Variants in NFASC observed in about 807,000 individuals in gnomAD.
NFASC encodes the protein neurofascin, also known as neurofascin homolog.
In NFASC, 43 loss-of-function variants were observed where a neutral mutation model predicts 147.5. That is an observed-to-expected ratio of 0.29 (90% confidence interval 0.23 to 0.38). NFASC has a LOEUF of 0.38. NFASC is among the 10% of genes least tolerant of loss of function. The pLI is 1.00. For synonymous variants in NFASC, 622 were observed against 665.5 expected (o/e 0.93, Z 1.01); for missense variants, 1,320 against 1,689.0 (o/e 0.78, Z 3.83).
intron 2 of NFASC, among the ~76,000 whole-genome samples, chr1:204,923,375 C>T (rs77507721): frequency 0.071 from 10,730 of 152,146 alleles, 497 homozygotes; most frequent in South Asian, 0.12. Context: ...GCTCAGGCTT[C>T]GTCTCTCCCC....
chr1:204,978,756 G>A (rs191469420), intron 17 of NFASC, among the ~76,000 whole-genome samples: 1 of 151,912 alleles, frequency 6.6e-6, no homozygotes, highest in Non-Finnish European at 1.5e-5. Flanking sequence ...ATTCTTTGTG[G>A]GGGGGGGCTG....
chr1:205,014,248 TG>T (rs1358669624), intron 29 of NFASC, among the ~76,000 whole-genome samples: 4 of 152,072 alleles, frequency 2.6e-5, no homozygotes, highest in African/African-American at 4.8e-5. Flanking sequence ...ACACTGACCC[TG>T]GGTCTACACG....
In NFASC at chr1:205,010,096, G is replaced by A. The variant is rs765072492; in HGVS notation, c.3421+408G>A. On this transcript the variant is annotated intron_variant, in intron 28 of 29. Coordinates refer to ENST00000339876, the MANE Select transcript of NFASC (RefSeq NM_001005388.3). This position sits in a 1 kb window ranked among gnomAD's most constrained non-coding sequence, Gnocchi z 4.1. ...ACCGTGTCCCAGAGAATGGGGAGAG[G>A]AGGGGCCTGGGCAGAAGCAGCACCC... 129 of 211,740 alleles carry A rather than the reference G, an allele frequency of 6.1e-4. No homozygotes were observed. Among genetic ancestry groups the A allele is most frequent in the Non-Finnish European group, 1.1e-3 (112 of 103,282 alleles). The allele number at this position is 211,740 out of a possible 1,614,324, so 13.1% of individuals were successfully genotyped here. A position where few individuals can be genotyped will look rare whatever the true frequency, so the allele number is the denominator to read the frequency against.
rs1465861659 is a variant in NFASC, at chr1:204,828,692, C to A, written c.-290C>A. ...TCTGCCCTAATGCGGCGGCTGGCGG[C>A]GAGAGGCGCTGCAGGGGACGCGGGG... On this transcript the variant is annotated 5_prime_UTR_variant, in exon 1 of 30. Transcript: ENST00000339876. The A allele has an allele frequency of 4.1e-6, 4 of 985,082 alleles. No homozygotes were observed. The highest frequency in any genetic ancestry group is 1.8e-5 in the African/African-American group (1 of 57,142). The allele number at this position is 985,082 out of a possible 1,614,324, so 61.0% of individuals were successfully genotyped here. A position where few individuals can be genotyped will look rare whatever the true frequency, so the allele number is the denominator to read the frequency against.
chr1:204,870,821 C>T (rs1455823086), intron 1 of NFASC: 5 of 1,179,586 alleles, frequency 4.2e-6, no homozygotes, highest in East Asian at 6.1e-5. Context: ...GGGAGGTGGC[C>T]GATGGGGGTG....
At chr1:204,929,658 A>G (rs2092146916) in intron 2 of NFASC, among the ~76,000 whole-genome samples, 1 of 152,054 alleles carries the variant, frequency 6.6e-6, no homozygotes, top group Non-Finnish European at 1.5e-5. Flanking sequence ...AAGAAGAGAT[A>G]TGGTGAGATG....
chr1:204,929,356 G>T (rs1330137708), intron 2 of NFASC: 1 of 152,402 alleles, frequency 6.6e-6, no homozygotes, highest in East Asian at 1.9e-4. Flanking sequence ...GAGGGAGGAG[G>T]GGGAAGCAGG....
chr1:204,888,463 G>A (rs548304300), intron 1 of NFASC, among the ~76,000 whole-genome samples: 42 of 152,132 alleles, frequency 2.8e-4, no homozygotes, highest in Non-Finnish European at 5.6e-4. Context: ...AGAACAAAAA[G>A]CAGATTGGTC....
At chr1:204,864,207 T>TCC (rs2076934873) in intron 1 of NFASC, among the ~76,000 whole-genome samples, 1 of 152,262 alleles carries the variant, frequency 6.6e-6, no homozygotes, top group Non-Finnish European at 1.5e-5. Context: ...CATTCTTTTT[T>TCC]ATTGCTGAAT....
At chr1:204,856,144 A>G (rs1015852092) in intron 1 of NFASC, among the ~76,000 whole-genome samples, 2 of 152,034 alleles carry the variant, frequency 1.3e-5, no homozygotes, top group South Asian at 2.1e-4. Flanking sequence ...CTGAAAAGTT[A>G]TGGTCTTTGC....
intron 1 of NFASC, among the ~76,000 whole-genome samples, chr1:204,906,840 T>TAC (rs2086068462): frequency 6.6e-6 from 1 of 152,090 alleles, no homozygotes; most frequent in Non-Finnish European, 1.5e-5. Flanking sequence ...CCCGCCACCC[T>TAC]GCCCGGCTAA....
chr1:204,953,551 C>T (rs909489115), intron 5 of NFASC, among the ~76,000 whole-genome samples: 2 of 152,224 alleles, frequency 1.3e-5, no homozygotes, highest in Admixed American at 1.3e-4. Context: ...CCACCTCAGC[C>T]TCCCAAAGTA....
At chr1:204,848,526 C>T (rs543923413) in intron 1 of NFASC, among the ~76,000 whole-genome samples, 2 of 152,226 alleles carry the variant, frequency 1.3e-5, no homozygotes, top group South Asian at 4.2e-4. Context: ...ACACCCGGTG[C>T]GAATTTTATT....
At chr1:204,868,520 C>T (rs2077303423) in intron 1 of NFASC, among the ~76,000 whole-genome samples, 2 of 152,166 alleles carry the variant, frequency 1.3e-5, no homozygotes, top group Non-Finnish European at 2.9e-5. Context: ...CAGCTGTCTT[C>T]CCCTACCACA....
intron 1 of NFASC, among the ~76,000 whole-genome samples, chr1:204,873,551 C>G (rs966768640): frequency 6.6e-6 from 1 of 152,236 alleles, no homozygotes; most frequent in African/African-American, 2.4e-5. Flanking sequence ...GCTGGGGCCT[C>G]TGTTCCTGGG....
intron 15 of NFASC, among the ~76,000 whole-genome samples, chr1:204,976,448 T>A (rs1219595738): frequency 1.3e-5 from 2 of 152,190 alleles, no homozygotes; most frequent in Non-Finnish European, 2.9e-5. Flanking sequence ...TCACAGCCAC[T>A]TGAGCTCCGC....
intron 1 of NFASC, among the ~76,000 whole-genome samples, chr1:204,905,281 G>A (rs2085577567): frequency 6.6e-6 from 1 of 151,778 alleles, no homozygotes; most frequent in Non-Finnish European, 1.5e-5. Context: ...CTGACCTGCT[G>A]TTTTCCTTAG....
At chr1:204,829,073 C>T (rs1671449334) in intron 1 of NFASC, among the ~76,000 whole-genome samples, 1 of 137,452 alleles carries the variant, frequency 7.3e-6, no homozygotes, top group African/African-American at 2.8e-5. Flanking sequence ...CAACCCTTTC[C>T]CTTTCCTCTC....
At chr1:204,898,251 T>G (rs1002565140) in intron 1 of NFASC, among the ~76,000 whole-genome samples, 3 of 152,222 alleles carry the variant, frequency 2.0e-5, no homozygotes, top group African/African-American at 7.2e-5. Context: ...TGATAAAATT[T>G]TGAATGCAGT....
Sources: allele counts gnomAD v4.1 joint callset (sites outside exome capture counted in the v4.1 genomes callset), GRCh38; gene constraint gnomAD v4.1.1; non-coding constraint Gnocchi (gnomAD v3.1); transcripts MANE v1.5; gene names NCBI Gene and HGNC (gene_info 2026-07-23, HGNC 2026-07-21).